Variants in EPHA5 observed in about 807,000 individuals in gnomAD.
EPHA5 encodes the protein ephrin type-A receptor 5.
In EPHA5, 60 loss-of-function variants were observed where a neutral mutation model predicts 105.0. The ratio of observed to expected loss-of-function variants is 0.57; its 90% confidence interval spans 0.46 to 0.71. The LOEUF (loss-of-function observed/expected upper bound fraction) is 0.71. Ranked by LOEUF, EPHA5 falls within the 30% of genes least tolerant of loss-of-function variation. The probability of loss-of-function intolerance (pLI) is 0.00; values close to 1 mark genes in which losing one functional copy is unlikely to be tolerated. For missense variants in EPHA5, 1,218 were observed against 1,274.7 expected (o/e 0.96, Z 0.68); for synonymous variants, 513 against 449.1 (o/e 1.14, Z -1.80).
At chr4:65,433,782 T>C (rs1461404057) in intron 5 of EPHA5, among the ~76,000 whole-genome samples, 2 of 152,134 alleles carry the variant, frequency 1.3e-5, no homozygotes, top group African/African-American at 4.8e-5. Flanking sequence ...GCACTTTCAC[T>C]TGGCTGGGCG....
intron 3 of EPHA5, among the ~76,000 whole-genome samples, chr4:65,583,774 T>C (rs1470887060): frequency 6.6e-6 from 1 of 151,728 alleles, no homozygotes; most frequent in Non-Finnish European, 1.5e-5. Context: ...TTGTTATTGT[T>C]TTTCACATAA....
Position 65,358,614 on chromosome 4 carries a change from G to GA in EPHA5, c.2174-5512dup, listed in dbSNP as rs570890223. 9.4e-4 allele frequency among the ~76,000 whole-genome samples: 142 copies of GA among 151,488 alleles called. 1 individual carries two copies. The highest frequency in any genetic ancestry group is 1.6e-3 in the Non-Finnish European group (108 of 67,644). On this transcript the variant is annotated intron_variant, in intron 11 of 16. Coordinates refer to ENST00000613740, the MANE Select transcript of EPHA5 (RefSeq NM_001281766.3). ...GAATAGGTAATGCTTATTAAAAGGG[G>GA]AAAAAACAAAACAACAAAGATAAAA... is the stretch of plus-strand genomic sequence containing the variant.
intron 2 of EPHA5, among the ~76,000 whole-genome samples, chr4:65,641,285 C>G (rs1479014824): frequency 6.6e-6 from 1 of 152,094 alleles, no homozygotes; most frequent in Non-Finnish European, 1.5e-5. Context: ...ACCTTGCTAT[C>G]TTTAAAAGAT....
chr4:65,579,646 A>C (rs1030759271), intron 3 of EPHA5, among the ~76,000 whole-genome samples: 4 of 151,864 alleles, frequency 2.6e-5, no homozygotes, highest in Admixed American at 1.3e-4. Flanking sequence ...GATTTGTTGA[A>C]TAAAATACAC....
rs57533715 is a variant in EPHA5 at position 65,502,406 on chromosome 4, C to CAAA, written c.911-6866_911-6864dup. On this transcript the variant is annotated intron_variant, in intron 3 of 16. Transcript: ENST00000613740. Reference sequence around the variant, plus strand: ...TAAGGAACTTAAACAATTAAACAAGCAAAAAAAAAATATATAGCCCCATTA... The same window carrying CAAA: ...TAAGGAACTTAAACAATTAAACAAGCAAAAAAAAAAAAATATATAGCCCCATTA... Among the ~76,000 whole-genome samples, 103 of 141,114 alleles carry CAAA rather than the reference C, an allele frequency of 7.3e-4. 1 individual carries two copies. The South Asian group carries it at 0.013, about 18-fold the overall frequency. 92.6% of individuals were successfully genotyped at this position (141,114 alleles called of 152,430 possible).
intron 11 of EPHA5, among the ~76,000 whole-genome samples, chr4:65,356,027 C>T (rs768587081): frequency 6.6e-6 from 1 of 151,440 alleles, no homozygotes; most frequent in Non-Finnish European, 1.5e-5. Context: ...ATTGAAAGAA[C>T]TGAATTCCAG....
chr4:65,511,932 C>A (rs534412502), intron 3 of EPHA5, among the ~76,000 whole-genome samples: 1 of 152,024 alleles, frequency 6.6e-6, no homozygotes, highest in African/African-American at 2.4e-5. Context: ...TAGAAAATAA[C>A]CAGTAGTCAA....
intron 2 of EPHA5, among the ~76,000 whole-genome samples, chr4:65,625,696 A>G (rs562032767): frequency 5.3e-5 from 8 of 152,346 alleles, no homozygotes; most frequent in Admixed American, 1.3e-4. Flanking sequence ...CCACAACATA[A>G]TACTAATTGA....
chr4:65,553,654 A>T (rs1304434539), intron 3 of EPHA5, among the ~76,000 whole-genome samples: 2 of 152,190 alleles, frequency 1.3e-5, no homozygotes, highest in African/African-American at 4.8e-5. Flanking sequence ...AATGCGGATC[A>T]CAGTAGCTGT....
Position 65,429,629 on chromosome 4 carries a change from G to C in EPHA5, c.1403-9064C>G, listed in dbSNP as rs540420512. On this transcript the variant is annotated intron_variant, in intron 5 of 16. Transcript: ENST00000613740. ...CCTTTCTCACTTCTCATTGGTCTTA[G>C]TCTTATATAGCCAAATGAACAACAG... Among the ~76,000 whole-genome samples the C allele has an allele frequency of 1.6e-3, 243 of 152,054 alleles. 1 individual carries two copies. The highest frequency in any genetic ancestry group is 2.1e-3 in the South Asian group (10 of 4,818).
intron 3 of EPHA5, among the ~76,000 whole-genome samples, chr4:65,513,844 G>T (rs192656151): frequency 2.7e-3 from 403 of 151,850 alleles, no homozygotes; most frequent in African/African-American, 9.2e-3. Flanking sequence ...GCTTTTTAAC[G>T]TTTTTACACT....
chr4:65,372,491 T>C (rs1718575506), intron 8 of EPHA5, among the ~76,000 whole-genome samples: 2 of 151,924 alleles, frequency 1.3e-5, no homozygotes, highest in African/African-American at 4.8e-5. Context: ...TCATTTATAA[T>C]ACCAGAATAT....
At chr4:65,345,063 C>T (rs1287461739) in intron 14 of EPHA5, among the ~76,000 whole-genome samples, 2 of 152,000 alleles carry the variant, frequency 1.3e-5, no homozygotes, top group African/African-American at 2.4e-5. Flanking sequence ...AAAACAGTAA[C>T]AATAATAGCA....
intron 5 of EPHA5, among the ~76,000 whole-genome samples, chr4:65,465,676 T>A (rs1431097290): frequency 8.5e-5 from 13 of 152,146 alleles, no homozygotes; most frequent in Non-Finnish European, 8.8e-5. Context: ...ATGTTGCCCA[T>A]ACGGGTTCCC....
At chr4:65,661,182 T>C (rs1749527509) in intron 1 of EPHA5, among the ~76,000 whole-genome samples, 1 of 152,178 alleles carries the variant, frequency 6.6e-6, no homozygotes, top group Non-Finnish European at 1.5e-5. Context: ...TAGTAAGTGT[T>C]AGAGACTAGC....
At chr4:65,541,082 A>G (rs908720122) in intron 3 of EPHA5, among the ~76,000 whole-genome samples, 1 of 150,914 alleles carries the variant, frequency 6.6e-6, no homozygotes, top group African/African-American at 2.4e-5. Context: ...CAATTTTTCT[A>G]CTTTTAAGAA....
chr4:65,491,493 A>G (rs1392998902), intron 4 of EPHA5, among the ~76,000 whole-genome samples: 1 of 152,100 alleles, frequency 6.6e-6, no homozygotes. Context: ...AACCTCTAAT[A>G]ACCTACCAAA....
rs374702019 is a variant in EPHA5 at position 65,367,358 on chromosome 4, G to A, written c.1860C>T (p.His620=). 2 of 1,609,686 alleles carry A rather than the reference G, an allele frequency of 1.2e-6. No homozygotes were observed. Among genetic ancestry groups the A allele is most frequent in the Non-Finnish European group, 1.7e-6 (2 of 1,178,296 alleles). Reference sequence around the variant, plus strand: ...TTTTATTTTTTACAATTTGCTTACTGTGCCCATTATGAAAATGCATCTTTT... The same window carrying A: ...TTTTATTTTTTACAATTTGCTTACTATGCCCATTATGAAAATGCATCTTTT... ...EEEKMHFHNG[H]IKLPGVRTYI... is the part of the protein sequence containing the mutation. Residue 620 remains histidine, a splice_region_variant and synonymous_variant, in exon 9 of 17, where the codon CAC becomes CAT. Coordinates refer to ENST00000613740, the MANE Select transcript of EPHA5 (RefSeq NM_001281766.3).
rs564238585 is a variant in EPHA5 at position 65,603,661 on chromosome 4, C to T, written c.247-1357G>A. ...ATCAGACAGACATAAGCAAAAGGTG[C>T]TAATGAGGTAAAACTGTTGAGCTCC... On this transcript the variant is annotated intron_variant, in intron 2 of 16. Coordinates refer to ENST00000613740, the MANE Select transcript of EPHA5 (RefSeq NM_001281766.3). 7.2e-4 allele frequency among the ~76,000 whole-genome samples: 110 copies of T among 152,182 alleles called. No homozygotes were observed. In the Middle Eastern group the frequency reaches 0.017, roughly 24 times the overall value.
Sources: allele counts gnomAD v4.1 joint callset (sites outside exome capture counted in the v4.1 genomes callset), GRCh38; gene constraint gnomAD v4.1.1; transcripts MANE v1.5; gene names NCBI Gene and HGNC (gene_info 2026-07-23, HGNC 2026-07-21).